RPF1: variants seen among roughly 807,000 people sequenced by gnomAD.
The protein encoded by RPF1 is ribosome production factor 1.
Under a neutral mutation model 41.9 loss-of-function variants are expected in RPF1, and 34 were observed. The observed-to-expected ratio is 0.81, with a 90% CI of 0.62 to 1.08. The LOEUF is 1.08. RPF1 is among the 50% of genes least tolerant of loss of function. The pLI is 0.00. For synonymous variants in RPF1, 140 were observed against 148.9 expected (o/e 0.94, Z 0.43); for missense variants, 425 against 435.2 (o/e 0.98, Z 0.21).
At chr1:84,482,864 T>C (rs369492407) in intron 2 of RPF1, 51 bp from the exon 3 acceptor site, 39 of 1,139,422 alleles carry the variant, frequency 3.4e-5, no homozygotes, top group South Asian at 2.4e-4. Flanking sequence ...CCAACAGTAA[T>C]ATAATTAATG....
chr1:84,480,032 A>G (rs544148572), intron 1 of RPF1, among the ~76,000 whole-genome samples: 2 of 152,364 alleles, frequency 1.3e-5, no homozygotes, highest in South Asian at 4.1e-4. Flanking sequence ...ACTGAAACGT[A>G]AAGAGGTTTA....
At chr1:84,488,450 T>C (rs1238011865) in intron 3 of RPF1, among the ~76,000 whole-genome samples, 3 of 152,160 alleles carry the variant, frequency 2.0e-5, no homozygotes, top group Admixed American at 2.0e-4. Context: ...ACCAGTAGCC[T>C]ACCTAAATTC....
intron 8 of RPF1, 89 bp from the exon 9 acceptor site, chr1:84,497,340 A>G (rs1174442430): frequency 1.0e-5 from 11 of 1,056,710 alleles, no homozygotes; most frequent in African/African-American, 3.2e-5. Context: ...ATGAAGATCT[A>G]GGGACGTTAA....
At chr1:84,486,587 CAAAAA>C (rs896267195) in intron 3 of RPF1, among the ~76,000 whole-genome samples, 3 of 64,532 alleles carry the variant, frequency 4.6e-5, no homozygotes, top group South Asian at 5.7e-4. Context: ...GACTCCGTCT[CAAAAA>C]AAAAAAAAAA....
intron 3 of RPF1, among the ~76,000 whole-genome samples, chr1:84,489,017 TTC>T: frequency 6.6e-6 from 1 of 152,200 alleles, no homozygotes; most frequent in South Asian, 2.1e-4. Flanking sequence ...GAGTACTTTC[TTC>T]TTTGATCCTG....
intron 3 of RPF1, among the ~76,000 whole-genome samples, chr1:84,487,326 T>C (rs1681754233): frequency 6.6e-6 from 1 of 152,220 alleles, no homozygotes; most frequent in Non-Finnish European, 1.5e-5. Context: ...TTCAGACTAA[T>C]GATAAAAGGC....
chr1:84,493,818 A>C (rs1681881589), intron 5 of RPF1, among the ~76,000 whole-genome samples: 1 of 152,204 alleles, frequency 6.6e-6, no homozygotes, highest in African/African-American at 2.4e-5. Context: ...AATGCATGCT[A>C]GGATTCACAT....
intron 3 of RPF1, among the ~76,000 whole-genome samples, chr1:84,484,696 T>C (rs79381400): frequency 0.08 from 12,066 of 151,742 alleles, 512 homozygotes; most frequent in African/African-American, 0.1. Context: ...TTTTTTTTTT[T>C]TTTCTCCGAG....
At chr1:84,487,260 T>C (rs925082464) in intron 3 of RPF1, among the ~76,000 whole-genome samples, 2 of 152,222 alleles carry the variant, frequency 1.3e-5, no homozygotes, top group African/African-American at 2.4e-5. Flanking sequence ...TTTTATACTT[T>C]TGTGGTACAA....
chr1:84,494,546 C>T (rs1458103185), intron 5 of RPF1, among the ~76,000 whole-genome samples: 1 of 152,130 alleles, frequency 6.6e-6, no homozygotes, highest in African/African-American at 2.4e-5. Flanking sequence ...CTTGTAATGC[C>T]ATTAAGCAAT....
At chr1:84,485,685 A>G (rs1681723499) in intron 3 of RPF1, among the ~76,000 whole-genome samples, 1 of 152,176 alleles carries the variant, frequency 6.6e-6, no homozygotes, top group Non-Finnish European at 1.5e-5. Flanking sequence ...TCACTTGGTT[A>G]AGGTGGTGCC....
intron 2 of RPF1, among the ~76,000 whole-genome samples, chr1:84,482,629 A>C (rs760737008): frequency 4.6e-5 from 7 of 151,128 alleles, no homozygotes; most frequent in Non-Finnish European, 1.0e-4. Context: ...GTAGATAACT[A>C]TCTTGATCTC....
rs1681631808 is a variant in RPF1, at chr1:84,480,816, C to T, written c.229-140C>T. 1.6e-5 allele frequency: 8 copies of T among 491,154 alleles called. No individual in the cohort carries two copies. The South Asian group carries it at 2.7e-4, about 16-fold the overall frequency. The allele number at this position is 491,154 out of a possible 1,614,324, so 30.4% of individuals were successfully genotyped here. ...ACAGTAATTTAGGTAGAAAACTCCACGTCCAGATGCTTATTTCAATAGATT... is the reference window on the plus strand; with the variant it reads ...ACAGTAATTTAGGTAGAAAACTCCATGTCCAGATGCTTATTTCAATAGATT... On this transcript the variant is annotated intron_variant, in intron 1 of 8. Coordinates refer to ENST00000370654, the MANE Select transcript of RPF1 (RefSeq NM_025065.7).
In RPF1 at chr1:84,490,328, C is replaced by T. The variant is rs751407534; in HGVS notation, c.472C>T (p.Arg158Ter). The change falls in exon 5 of 9, where the codon CGA (arginine) becomes TGA (stop). Residue 158 changes from arginine to a stop codon, truncating the protein, a stop_gained. Coordinates refer to ENST00000370654, the MANE Select transcript of RPF1 (RefSeq NM_025065.7). LOFTEE classifies it high-confidence loss of function. ...TTATTTTGTTTTGCAGAGAACAGTACGACTCTGTGAACAGCTCTCCACAGT... is the reference window on the plus strand; with the variant it reads ...TTATTTTGTTTTGCAGAGAACAGTATGACTCTGTGAACAGCTCTCCACAGT... Reference protein sequence around the residue: ...TSDRPHGRTVRLCEQLSTVIP... With the variant: ...TSDRPHGRTV The T allele has an allele frequency of 1.3e-5, 20 of 1,585,934 alleles. No individual in the cohort carries two copies. In the Admixed American group the frequency reaches 2.3e-4, roughly 18 times the overall value.
At chr1:84,496,591 A>G (rs1168939220) in intron 8 of RPF1, among the ~76,000 whole-genome samples, 2 of 151,654 alleles carry the variant, frequency 1.3e-5, no homozygotes, top group African/African-American at 2.4e-5. Flanking sequence ...AAAAGATACA[A>G]TATCTGGGTC....
chr1:84,493,831 A>G (rs1681882056), intron 5 of RPF1, among the ~76,000 whole-genome samples: 1 of 152,234 alleles, frequency 6.6e-6, no homozygotes, highest in Non-Finnish European at 1.5e-5. Flanking sequence ...ATTCACATAT[A>G]TAGTACATAA....
Position 84,497,365 on chromosome 1 carries a change from C to T in RPF1, c.1009-64C>T, listed in dbSNP as rs139415295. ...AGGGACGTTAACTTTTACTGTCTTA[C>T]CTGAATTGTTAATTATATTTTTGTT... On this transcript the variant is annotated intron_variant, in intron 8 of 8. Coordinates refer to ENST00000370654, the MANE Select transcript of RPF1 (RefSeq NM_025065.7). 5,182 of 1,383,168 alleles carry T rather than the reference C, an allele frequency of 3.7e-3. 25 individuals are homozygous for T. Among genetic ancestry groups the T allele is most frequent in the South Asian group, 5.5e-3 (460 of 83,284 alleles). The allele number at this position is 1,383,168 out of a possible 1,614,324, so 85.7% of individuals were successfully genotyped here.
chr1:84,487,772 A>C (rs2101884590), intron 3 of RPF1, among the ~76,000 whole-genome samples: 1 of 152,210 alleles, frequency 6.6e-6, no homozygotes, highest in Non-Finnish European at 1.5e-5. Context: ...GAGAATGGAA[A>C]CCAGTTACTT....
chr1:84,491,491 C>T (rs1057064137), intron 5 of RPF1, among the ~76,000 whole-genome samples: 4 of 152,152 alleles, frequency 2.6e-5, no homozygotes, highest in Non-Finnish European at 5.9e-5. Flanking sequence ...TCCACTTGTA[C>T]TAGTAGCTTT....
Sources: allele counts gnomAD v4.1 joint callset (sites outside exome capture counted in the v4.1 genomes callset), GRCh38; gene constraint gnomAD v4.1.1; transcripts MANE v1.5; gene names NCBI Gene and HGNC (gene_info 2026-07-23, HGNC 2026-07-21).